Variants in FAM171A1 observed in about 807,000 individuals in gnomAD.
FAM171A1 encodes protein FAM171A1.
In FAM171A1, 23 loss-of-function variants were observed where a neutral mutation model predicts 74.9. That is an observed-to-expected ratio of 0.31 (90% CI 0.22 to 0.44). The LOEUF (loss-of-function observed/expected upper bound fraction) is 0.44, where lower values mean the gene tolerates loss of function less well. Among genes scored for constraint, FAM171A1 ranks in the 20% least tolerant of loss-of-function variants. The probability of loss-of-function intolerance (pLI) is 1.00; values close to 1 mark genes in which losing one functional copy is unlikely to be tolerated. For synonymous variants in FAM171A1, 527 were observed against 505.7 expected (o/e 1.04, Z -0.57); for missense variants, 1,162 against 1,159.2 (o/e 1.00, Z -0.03).
intron 4 of FAM171A1, among the ~76,000 whole-genome samples, chr10:15,252,957 C>G (rs987178501): frequency 6.6e-6 from 1 of 152,102 alleles, no homozygotes; most frequent in South Asian, 2.1e-4. Flanking sequence ...GATCGTGCAC[C>G]ATTTTGTCCG....
chr10:15,315,414 C>A (rs899457000), intron 1 of FAM171A1, among the ~76,000 whole-genome samples: 1 of 152,158 alleles, frequency 6.6e-6, no homozygotes, highest in Non-Finnish European at 1.5e-5. Flanking sequence ...TGTGCAGGCC[C>A]GTGGCTAGCC....
chr10:15,264,930 G>C (rs955418833), intron 3 of FAM171A1, among the ~76,000 whole-genome samples: 4 of 152,000 alleles, frequency 2.6e-5, no homozygotes, highest in Admixed American at 1.3e-4. Flanking sequence ...CAACTAGTGG[G>C]AAAACAGGAA....
intron 1 of FAM171A1, among the ~76,000 whole-genome samples, chr10:15,305,713 T>C (rs1588544255): frequency 7.7e-6 from 1 of 130,340 alleles, no homozygotes; most frequent in Non-Finnish European, 1.6e-5. Context: ...ATGAAAAATT[T>C]CAGACTTTGG....
intron 4 of FAM171A1, among the ~76,000 whole-genome samples, chr10:15,250,536 T>C (rs1834494318): frequency 6.6e-6 from 1 of 152,174 alleles, no homozygotes; most frequent in Admixed American, 6.5e-5. Flanking sequence ...CCGAGGCAGG[T>C]TGCTTGAGCC....
chr10:15,284,578 A>G (rs1466049750), intron 1 of FAM171A1, among the ~76,000 whole-genome samples: 1 of 152,102 alleles, frequency 6.6e-6, no homozygotes, highest in Non-Finnish European at 1.5e-5. Context: ...GTGTGCCACC[A>G]CACTGAGCTA....
chr10:15,346,627 G>C (rs12259444), intron 1 of FAM171A1, among the ~76,000 whole-genome samples: 17,820 of 152,226 alleles, frequency 0.12, 2,316 homozygotes, highest in African/African-American at 0.32. Flanking sequence ...GCCCACTCCT[G>C]ATGTCCAGGC....
chr10:15,292,544 G>T (rs1476953150), intron 1 of FAM171A1, among the ~76,000 whole-genome samples: 1 of 152,098 alleles, frequency 6.6e-6, no homozygotes, highest in African/African-American at 2.4e-5. Context: ...GCAGTGGCAC[G>T]ATCTTGGCTC....
chr10:15,283,569 T>C (rs1356084020), intron 2 of FAM171A1, among the ~76,000 whole-genome samples: 1 of 152,118 alleles, frequency 6.6e-6, no homozygotes, highest in Non-Finnish European at 1.5e-5. Flanking sequence ...CTGGAATCTG[T>C]ATGTTTTTAT....
chr10:15,287,451 G>A (rs1448878318), intron 1 of FAM171A1, among the ~76,000 whole-genome samples: 3 of 149,628 alleles, frequency 2.0e-5, no homozygotes, highest in Admixed American at 6.7e-5. Flanking sequence ...GCAGTGGCGC[G>A]ATCTTGGCTC....
intron 6 of FAM171A1, among the ~76,000 whole-genome samples, chr10:15,220,223 G>T (rs1834019675): frequency 6.6e-6 from 1 of 152,042 alleles, no homozygotes; most frequent in South Asian, 2.1e-4. Flanking sequence ...TGAGCATAAA[G>T]ATTTGCCACC....
chr10:15,303,023 T>C (rs1163853957), intron 1 of FAM171A1, among the ~76,000 whole-genome samples: 1 of 152,118 alleles, frequency 6.6e-6, no homozygotes, highest in East Asian at 1.9e-4. Flanking sequence ...ACCCCGTCTC[T>C]ACTAAAAATA....
intron 5 of FAM171A1, among the ~76,000 whole-genome samples, chr10:15,236,460 A>G (rs1159095739): frequency 6.6e-6 from 1 of 151,972 alleles, no homozygotes; most frequent in African/African-American, 2.4e-5. Context: ...TCCCCATTTT[A>G]TAGAGGAGAA....
chr10:15,311,248 T>C (rs1486980234), intron 1 of FAM171A1, among the ~76,000 whole-genome samples: 1 of 152,242 alleles, frequency 6.6e-6, no homozygotes, highest in Non-Finnish European at 1.5e-5. Flanking sequence ...TTCTGTATCT[T>C]TACAAGCACA....
rs576521725 is a variant in FAM171A1, at chr10:15,313,039, A to T, written c.98-28934T>A. Among the ~76,000 whole-genome samples, 345 of 152,146 alleles carry T rather than the reference A, an allele frequency of 2.3e-3. 2 individuals carry two copies. Among genetic ancestry groups the T allele is most frequent in the African/African-American group, 7.7e-3 (321 of 41,514 alleles). ...ACTTTTGAGCGAGATGTTCTTGATG[A>T]AGCAAGCAGACCCCTGATTTCCATT... is the stretch of plus-strand genomic sequence containing the variant. On this transcript the variant is annotated intron_variant, in intron 1 of 7. Coordinates refer to ENST00000378116, the MANE Select transcript of FAM171A1 (RefSeq NM_001010924.2).
rs753920185 is a variant in FAM171A1, at chr10:15,213,932, C to T, written c.1656G>A (p.Thr552=). ...TTAACTGGCCGGGCCGTGGGAAGGACGTAGGTCTCTCGAGGTGATCTACTG... is the reference window on the plus strand; with the variant it reads ...TTAACTGGCCGGGCCGTGGGAAGGATGTAGGTCTCTCGAGGTGATCTACTG... ...SRSVDHLERP[T]SFPRPGQLIC... The change falls in exon 8 of 8, where the codon ACG becomes ACA. Residue 552 remains threonine (T), a synonymous_variant. Coordinates refer to ENST00000378116, the MANE Select transcript of FAM171A1 (RefSeq NM_001010924.2). The surrounding 1 kb of genome is among the most constrained non-coding windows in gnomAD (Gnocchi z 6.8). The T allele has an allele frequency of 2.5e-6, 4 of 1,614,144 alleles. No individual in the cohort carries two copies. Among genetic ancestry groups the T allele is most frequent in the African/African-American group, 1.3e-5 (1 of 75,024 alleles).
Position 15,212,892 on chromosome 10 carries a change from C to T in FAM171A1, c.*23G>A, listed in dbSNP as rs1833909022. The T allele has an allele frequency of 2.5e-6, 4 of 1,607,340 alleles. No homozygotes were observed. The highest frequency in any genetic ancestry group is 2.2e-5 in the South Asian group (2 of 89,800). On this transcript the variant is annotated 3_prime_UTR_variant, in exon 8 of 8. Transcript: ENST00000378116. The stretch of plus-strand genomic sequence containing the variant: ...GGATATTTGGCAATTTTATATTCCA[C>T]AGTCAGGTGGGTCTGCGATAGCTCA...
intron 4 of FAM171A1, among the ~76,000 whole-genome samples, 167 bp downstream of exon 4, chr10:15,254,554 C>T (rs767801191): frequency 2.2e-4 from 34 of 152,252 alleles, no homozygotes; most frequent in Middle Eastern, 3.4e-3. Context: ...GGGCTCGTAC[C>T]GACGTAACAC....
At chr10:15,252,799 T>G (rs576057063) in intron 4 of FAM171A1, among the ~76,000 whole-genome samples, 39 of 152,296 alleles carry the variant, frequency 2.6e-4, no homozygotes, top group African/African-American at 8.9e-4. Flanking sequence ...GACAAACTCC[T>G]CTAAAATCAA....
chr10:15,287,413 G>C (rs1196776143), intron 1 of FAM171A1, among the ~76,000 whole-genome samples: 1 of 135,046 alleles, frequency 7.4e-6, no homozygotes, highest in Non-Finnish European at 1.6e-5. Context: ...TTTTTAGACA[G>C]AGTTTCGCTC....
Sources: allele counts gnomAD v4.1 joint callset (sites outside exome capture counted in the v4.1 genomes callset), GRCh38; gene constraint gnomAD v4.1.1; non-coding constraint Gnocchi (gnomAD v3.1); transcripts MANE v1.5; gene names NCBI Gene and HGNC (gene_info 2026-07-23, HGNC 2026-07-21).